The following DCLK1 variants were observed in gnomAD, a reference collection of about 807,000 sequenced individuals.
The protein encoded by DCLK1 is serine/threonine-protein kinase DCLK1.
In DCLK1, 16 loss-of-function variants were observed where a neutral mutation model predicts 86.2. That is an observed-to-expected ratio of 0.19 (90% confidence interval 0.13 to 0.28). DCLK1 has a LOEUF of 0.28. DCLK1 is among the 10% of genes least tolerant of loss of function. DCLK1 has a pLI of 1.00. For synonymous variants in DCLK1, 369 were observed against 370.5 expected (o/e 1.00, Z 0.05); for missense variants, 590 against 940.2 (o/e 0.63, Z 4.87).
chr13:36,063,878 T>C (rs529650490), intron 3 of DCLK1, among the ~76,000 whole-genome samples: 1 of 152,278 alleles, frequency 6.6e-6, no homozygotes, highest in East Asian at 1.9e-4. Context: ...TAAATATTTA[T>C]TACATGAATA....
At chr13:35,864,020 C>G (rs1871592116) in intron 5 of DCLK1, among the ~76,000 whole-genome samples, 1 of 152,146 alleles carries the variant, frequency 6.6e-6, no homozygotes, top group Non-Finnish European at 1.5e-5. Flanking sequence ...TTGGGTTTTC[C>G]TTCTTTCAAA....
At chr13:36,099,800 T>C (rs1885137114) in intron 3 of DCLK1, among the ~76,000 whole-genome samples, 1 of 152,160 alleles carries the variant, frequency 6.6e-6, no homozygotes, top group South Asian at 2.1e-4. Flanking sequence ...AGGTCTTTGT[T>C]TTTTATGGTC....
At chr13:35,931,866 A>C (rs1876451815) in intron 4 of DCLK1, among the ~76,000 whole-genome samples, 1 of 152,200 alleles carries the variant, frequency 6.6e-6, no homozygotes, top group African/African-American at 2.4e-5. Flanking sequence ...TATATGTTTT[A>C]ATGATACACA....
chr13:35,914,583 G>T (rs9545726), intron 4 of DCLK1, among the ~76,000 whole-genome samples: 27,247 of 149,948 alleles, frequency 0.18, 2,805 homozygotes, highest in East Asian at 0.33. Context: ...CAGGTATGGT[G>T]GCACAGCCTA....
chr13:35,967,625 C>G (rs992861133), intron 3 of DCLK1, among the ~76,000 whole-genome samples: 23 of 152,042 alleles, frequency 1.5e-4, no homozygotes, highest in Non-Finnish European at 2.4e-4. Context: ...TGCTTGAAGG[C>G]AGCATACTCG....
chr13:35,951,818 C>T (rs1480179188), intron 3 of DCLK1, among the ~76,000 whole-genome samples: 3 of 152,116 alleles, frequency 2.0e-5, no homozygotes, highest in Non-Finnish European at 2.9e-5. Context: ...CACTGACTTG[C>T]GCAAATCAGG....
intron 3 of DCLK1, among the ~76,000 whole-genome samples, chr13:36,051,801 C>CT (rs1004512601): frequency 3.3e-5 from 5 of 152,144 alleles, no homozygotes; most frequent in East Asian, 1.9e-4. Flanking sequence ...TACAATGCCC[C>CT]TTTTTTTCTC....
At chr13:35,804,332 C>G (rs1256774115) in intron 15 of DCLK1, among the ~76,000 whole-genome samples, 1 of 146,490 alleles carries the variant, frequency 6.8e-6, no homozygotes, top group Non-Finnish European at 1.5e-5. Flanking sequence ...CGGGGTTTAG[C>G]CATGTTGGCC....
At chr13:35,913,084 A>G (rs553026086) in intron 4 of DCLK1, among the ~76,000 whole-genome samples, 1 of 152,206 alleles carries the variant, frequency 6.6e-6, no homozygotes, top group Non-Finnish European at 1.5e-5. Context: ...CTGCATCACA[A>G]GGAGCTTCAA....
intron 4 of DCLK1, among the ~76,000 whole-genome samples, chr13:35,927,042 C>G (rs1477307736): frequency 6.6e-6 from 1 of 152,212 alleles, no homozygotes; most frequent in Non-Finnish European, 1.5e-5. Flanking sequence ...TGCTAGTTGA[C>G]TTTGGGCCCT....
chr13:35,944,424 G>A (rs1044439280), intron 4 of DCLK1, among the ~76,000 whole-genome samples: 15 of 152,088 alleles, frequency 9.9e-5, no homozygotes, highest in African/African-American at 3.4e-4. Context: ...ATGAAGCATC[G>A]ATGTGCAAAT....
chr13:36,050,596 A>G (rs1308271069), intron 3 of DCLK1, among the ~76,000 whole-genome samples: 1 of 152,188 alleles, frequency 6.6e-6, no homozygotes, highest in Non-Finnish European at 1.5e-5. Flanking sequence ...CAGTTGTGAC[A>G]TGTGAGGATT....
chr13:35,932,186 T>G (rs1253924425), intron 4 of DCLK1, among the ~76,000 whole-genome samples: 1 of 152,178 alleles, frequency 6.6e-6, no homozygotes, highest in Non-Finnish European at 1.5e-5. Flanking sequence ...AGGAGAAATT[T>G]ACCTTTTTCC....
rs757064621 is a variant in DCLK1 at position 35,854,493 on chromosome 13, C to T, written c.1035+6G>A. On this transcript the variant is annotated splice_donor_region_variant and intron_variant, in intron 6 of 16. Coordinates refer to ENST00000360631, the MANE Select transcript of DCLK1 (RefSeq NM_001330071.2). ...TCTGAAACAAGCAGCTTGCTTATTT[C>T]CTTACCCTCTGCTTCCGCAGGCTTC... 6.9e-6 allele frequency: 11 copies of T among 1,595,994 alleles called. No homozygotes were observed. The highest frequency in any genetic ancestry group is 8.5e-6 in the Non-Finnish European group (10 of 1,170,534).
At chr13:35,871,397 C>T in intron 4 of DCLK1, 57 bp from the exon 5 acceptor site, 1 of 1,351,146 alleles carries the variant, frequency 7.4e-7, no homozygotes, top group Non-Finnish European at 1.1e-6. Flanking sequence ...CACACACCAA[C>T]TCAAAATGCA....
Position 35,864,937 on chromosome 13 carries a change from C to A in DCLK1, c.940+6287G>T, listed in dbSNP as rs149359797. On this transcript the variant is annotated intron_variant, in intron 5 of 16. Transcript: ENST00000360631. ...AAAGTGTTGGGATTAAAGGTATAAG[C>A]CACCATGCCTGGCCCCAGAGCTTTC... Among the ~76,000 whole-genome samples the A allele has an allele frequency of 5.3e-5, 8 of 152,166 alleles. No individual in the cohort carries two copies. In the East Asian group the frequency reaches 1.4e-3, roughly 26 times the overall value.
chr13:35,934,707 A>G (rs913542594), intron 4 of DCLK1, among the ~76,000 whole-genome samples: 1 of 152,118 alleles, frequency 6.6e-6, no homozygotes, highest in African/African-American at 2.4e-5. Flanking sequence ...GAACCAAACC[A>G]TATCAGTATG....
chr13:36,112,507 T>A (rs1313004323), intron 2 of DCLK1, among the ~76,000 whole-genome samples: 1 of 152,138 alleles, frequency 6.6e-6, no homozygotes, highest in South Asian at 2.1e-4. Context: ...CTTAGAGAAG[T>A]GTGAAAGTGA....
chr13:36,048,529 A>G (rs1883010909), intron 3 of DCLK1, among the ~76,000 whole-genome samples: 1 of 152,140 alleles, frequency 6.6e-6, no homozygotes, highest in African/African-American at 2.4e-5. Context: ...GGTTTCCCTC[A>G]GTGTGGTAAA....
Sources: gnomAD v4.1 joint callset for allele counts (sites outside exome capture counted in the v4.1 genomes callset) on GRCh38, gnomAD v4.1.1 for gene constraint, MANE v1.5 for transcripts, NCBI Gene and HGNC (gene_info 2026-07-23, HGNC 2026-07-21) for gene names.